ZDHHC9: variants seen among roughly 807,000 people sequenced by gnomAD.
ZDHHC9 encodes the protein zDHHC palmitoyltransferase 9.
ZDHHC9 carries 3 observed loss-of-function variants against 26.6 expected under a neutral mutation model. That is an observed-to-expected ratio of 0.11 (90% CI 0.05 to 0.29). ZDHHC9 has a LOEUF of 0.29. Among genes scored for constraint, ZDHHC9 ranks in the 10% least tolerant of loss-of-function variants. The pLI is 1.00. For missense variants in ZDHHC9, 146 were observed against 296.4 expected, an observed-to-expected ratio of 0.49 and a Z score of 3.73; for synonymous variants, 111 against 109.4, an observed-to-expected ratio of 1.01 and a Z score of -0.09.
At chrX:129,811,842 T>C (rs1377277549) in intron 8 of ZDHHC9, among the ~76,000 whole-genome samples, 1 of 110,756 alleles carries the variant, frequency 9.0e-6, no homozygotes, top group East Asian at 2.8e-4. Context: ...TACACAGCCA[T>C]GAAAAATACT....
chrX:129,832,765 A>G (rs1425072221), intron 3 of ZDHHC9, among the ~76,000 whole-genome samples: 1 of 103,755 alleles, frequency 9.6e-6, no homozygotes. Context: ...CCTGGGTGAC[A>G]GTGCAAGACT....
chrX:129,825,505 T>C (rs1313826863), intron 4 of ZDHHC9, among the ~76,000 whole-genome samples: 1 of 111,483 alleles, frequency 9.0e-6, no homozygotes, highest in African/African-American at 3.3e-5. Context: ...TCATTGTTAA[T>C]TTTTTTTCTA....
In ZDHHC9 at chrX:129,832,784, A is replaced by AAAATAAATAAATAAATAAATAAAT. The variant is rs58029912; in HGVS notation, c.168-3667_168-3644dup. 2.1e-3 allele frequency among the ~76,000 whole-genome samples: 210 copies of AAAATAAATAAATAAATAAATAAAT among 100,243 alleles called. 1 individual carries two copies. Among genetic ancestry groups the AAAATAAATAAATAAATAAATAAAT allele is most frequent in the Middle Eastern group, 0.014 (3 of 210 alleles). The allele number at this position is 100,243 out of a possible 115,157, so 87.0% of individuals were successfully genotyped here. On this transcript the variant is annotated intron_variant, in intron 3 of 10. Coordinates refer to ENST00000357166, the MANE Select transcript of ZDHHC9 (RefSeq NM_016032.4). ...GGTGACAGTGCAAGACTCCGTCTCA[A>AAAATAAATAAATAAATAAATAAAT]AAATAAATAAATAAATAAATAAATA...
At position 129,805,876 on chromosome X, in the gene ZDHHC9, T is replaced by A. The variant is rs142556648; in HGVS notation, c.*494A>T. ...TGCTGGCACTTGGTGGCCAGGAGAA[T>A]CTTCTGACCCCACTCTCCCTCCTCT... On this transcript the variant is annotated 3_prime_UTR_variant, in exon 11 of 11. Coordinates refer to ENST00000357166, the MANE Select transcript of ZDHHC9 (RefSeq NM_016032.4). The A allele has an allele frequency of 3.3e-3, 394 of 119,632 alleles. 9 individuals are homozygous for A. Among genetic ancestry groups the A allele is most frequent in the East Asian group, 0.025 (107 of 4,211 alleles). The allele number at this position is 119,632 out of a possible 1,213,427, so 9.9% of individuals were successfully genotyped here.
At chrX:129,813,149 G>A (rs1295752832) in intron 7 of ZDHHC9, among the ~76,000 whole-genome samples, 13 of 111,881 alleles carry the variant, frequency 1.2e-4, no homozygotes, top group Non-Finnish European at 2.3e-4. Context: ...ATGTAATCCC[G>A]GCACTTTGGG....
At chrX:129,817,939 T>G (rs1343269253) in intron 5 of ZDHHC9, among the ~76,000 whole-genome samples, 3 of 111,933 alleles carry the variant, frequency 2.7e-5, no homozygotes. Flanking sequence ...GGCGTACAAG[T>G]AGGTTTTGAG....
intron 3 of ZDHHC9, among the ~76,000 whole-genome samples, chrX:129,831,778 G>A (rs984221088): frequency 9.0e-6 from 1 of 111,571 alleles, no homozygotes; most frequent in African/African-American, 3.3e-5. Context: ...TTTCTACTCT[G>A]AGTAAGGGGA....
chrX:129,815,076 A>G lies in ZDHHC9; in HGVS notation c.488-281T>C, dbSNP rs967202910. On this transcript the variant is annotated intron_variant, in intron 5 of 10. Transcript: ENST00000357166. ...AGAGGTTAAGTGATTTGCCTCACTC[A>G]GCTCATTAAAAGCAGAGACACTGCT... 1.5e-4 allele frequency among the ~76,000 whole-genome samples: 17 copies of G among 111,443 alleles called. 1 individual carries two copies. The highest frequency in any genetic ancestry group is 5.5e-4 in the African/African-American group (17 of 30,680).
At chrX:129,809,921 G>A (rs984877893) in intron 10 of ZDHHC9, among the ~76,000 whole-genome samples, 2 of 105,388 alleles carry the variant, frequency 1.9e-5, no homozygotes, top group Admixed American at 2.0e-4. Flanking sequence ...CCCGGGAGGC[G>A]GAGGTTGCAG....
At chrX:129,827,864 T>C (rs940313311) in intron 4 of ZDHHC9, among the ~76,000 whole-genome samples, 2 of 112,037 alleles carry the variant, frequency 1.8e-5, no homozygotes, top group Admixed American at 9.5e-5. Context: ...TTGCCCAGGC[T>C]GGAGTGCAGT....
At chrX:129,823,202 A>G (rs1927931201) in intron 5 of ZDHHC9, 1 of 120,181 alleles carries the variant, frequency 8.3e-6, no homozygotes, top group African/African-American at 3.2e-5. Context: ...TGGGGCTGTT[A>G]CAAGTCTTAA....
chrX:129,806,287 C>T lies in ZDHHC9; in HGVS notation c.*83G>A. On this transcript the variant is annotated 3_prime_UTR_variant, in exon 11 of 11. Transcript: ENST00000357166. ...ACAGTTAAAAGGGACAGCTTACTTG[C>T]TCTCTGTCTCAGGTTTAACTTCTCA... 1 of 845,205 alleles carries T rather than the reference C, an allele frequency of 1.2e-6. No individual in the cohort carries two copies. The highest frequency in any genetic ancestry group is 1.8e-6 in the Non-Finnish European group (1 of 561,635). 69.7% of individuals were successfully genotyped at this position (845,205 alleles called of 1,213,427 possible). A position where few individuals can be genotyped will look rare whatever the true frequency, so the allele number is the denominator to read the frequency against.
chrX:129,813,857 C>T (rs1431423848), intron 6 of ZDHHC9, 132 bp from the exon 7 acceptor site: 28 of 585,350 alleles, frequency 4.8e-5, no homozygotes, highest in South Asian at 1.5e-4. Context: ...AGCTCTCACT[C>T]GGGCAAGGGT....
chrX:129,815,948 T>C (rs771950024), intron 5 of ZDHHC9, among the ~76,000 whole-genome samples: 60 of 111,857 alleles, frequency 5.4e-4, no homozygotes, highest in Non-Finnish European at 8.7e-4. Context: ...TGGTGATGAA[T>C]ATGTTCATTT....
chrX:129,836,594 C>T (rs1602962763), intron 3 of ZDHHC9, among the ~76,000 whole-genome samples: 2 of 112,225 alleles, frequency 1.8e-5, no homozygotes, highest in South Asian at 7.3e-4. Flanking sequence ...CCACACTGCC[C>T]CTTTCATCAG....
intron 4 of ZDHHC9, 42 bp from the exon 5 acceptor site, chrX:129,823,879 A>T: frequency 8.5e-7 from 1 of 1,178,451 alleles, no homozygotes; most frequent in Non-Finnish European, 1.1e-6. Context: ...GCTAGCCATC[A>T]CTTGAGCCCA....
chrX:129,805,788 C>T lies in ZDHHC9; in HGVS notation c.*582G>A, dbSNP rs1400857012. ...GAGTGGATGGGAGACAAAGGAGAAG[C>T]TACACTAATAAATACAACAAGTGGA... On this transcript the variant is annotated 3_prime_UTR_variant, in exon 11 of 11. Transcript: ENST00000357166. The T allele has an allele frequency of 8.8e-6, 1 of 113,587 alleles. No individual in the cohort carries two copies. The highest frequency in any genetic ancestry group is 3.3e-5 in the African/African-American group (1 of 30,424). 9.4% of individuals were successfully genotyped at this position (113,587 alleles called of 1,213,427 possible).
chrX:129,842,447 C>T (rs1473593353), intron 2 of ZDHHC9, among the ~76,000 whole-genome samples: 1 of 112,682 alleles, frequency 8.9e-6, no homozygotes, highest in East Asian at 2.8e-4. Flanking sequence ...TATCCAGGAC[C>T]ACACAGCAGC....
At chrX:129,824,015 T>C (rs1249823461) in intron 4 of ZDHHC9, among the ~76,000 whole-genome samples, 178 bp from the exon 5 acceptor site, 4 of 112,080 alleles carry the variant, frequency 3.6e-5, no homozygotes, top group Non-Finnish European at 7.5e-5. Flanking sequence ...TGCATGCAGT[T>C]CTGTTGTATA....
Sources: gnomAD v4.1 joint callset for allele counts (sites outside exome capture counted in the v4.1 genomes callset) on GRCh38, gnomAD v4.1.1 for gene constraint, MANE v1.5 for transcripts, NCBI Gene and HGNC (gene_info 2026-07-23, HGNC 2026-07-21) for gene names.